Variants in PLXNA2 observed in about 807,000 individuals in gnomAD.
The protein encoded by PLXNA2 is plexin A2.
Under a neutral mutation model 193.5 loss-of-function variants are expected in PLXNA2, and 91 were observed. The observed-to-expected ratio is 0.47, with a 90% CI of 0.40 to 0.56. The LOEUF (loss-of-function observed/expected upper bound fraction) is 0.56. PLXNA2 is among the 20% of genes least tolerant of loss of function. The probability of loss-of-function intolerance (pLI) is 0.00; values close to 1 mark genes in which losing one functional copy is unlikely to be tolerated. For synonymous variants in PLXNA2, 997 were observed against 1,027.3 expected, an observed-to-expected ratio of 0.97 and a Z score of 0.56; for missense variants, 1,995 against 2,503.2, an observed-to-expected ratio of 0.80 and a Z score of 4.33.
chr1:208,122,569 T>C (rs971067981), intron 4 of PLXNA2, among the ~76,000 whole-genome samples: 2 of 152,198 alleles, frequency 1.3e-5, no homozygotes, highest in Non-Finnish European at 2.9e-5. Flanking sequence ...TAAATTTCAC[T>C]CTCTCTTGTT....
In PLXNA2 at chr1:208,155,048, T is replaced by C. The variant is rs557053991; in HGVS notation, c.1372-12585A>G. Among the ~76,000 whole-genome samples, 27 of 152,280 alleles carry C rather than the reference T, an allele frequency of 1.8e-4. No homozygotes were observed. In the South Asian group the frequency reaches 5.6e-3, roughly 32 times the overall value. ...TTCAGGGGGACATGGGGGAAATTAG[T>C]ACCTCCTCCTCTGTCCTTTCCAAGG... On this transcript the variant is annotated intron_variant, in intron 3 of 31. Transcript: ENST00000367033.
chr1:208,084,705 C>G, intron 9 of PLXNA2, 125 bp from the exon 10 acceptor site: 1 of 817,924 alleles, frequency 1.2e-6, no homozygotes. Flanking sequence ...CATGTAAGGC[C>G]CGTGGAATGG....
At chr1:208,099,375 T>G (rs1464807932) in intron 5 of PLXNA2, among the ~76,000 whole-genome samples, 1 of 152,128 alleles carries the variant, frequency 6.6e-6, no homozygotes, top group Non-Finnish European at 1.5e-5. Context: ...TGTTATAGAA[T>G]TTTGGGGGAG....
In PLXNA2 at chr1:208,135,716, G is replaced by A. The variant is rs1019733615; in HGVS notation, c.1506+6613C>T. On this transcript the variant is annotated intron_variant, in intron 4 of 31. Coordinates refer to ENST00000367033, the MANE Select transcript of PLXNA2 (RefSeq NM_025179.4). The stretch of plus-strand genomic sequence containing the variant: ...CTAAACAGGGTGCTCTCTGGGCCTC[G>A]TCTTTCTTATCTGGGGTCAGAATGG... Among the ~76,000 whole-genome samples, 5 of 152,154 alleles carry A rather than the reference G, an allele frequency of 3.3e-5. No homozygotes were observed. In the East Asian group the frequency reaches 9.6e-4, roughly 29 times the overall value.
chr1:208,028,158 A>G lies in PLXNA2; in HGVS notation c.5440T>C (p.Tyr1814His), dbSNP rs1307895399. ...GGGAGCTTGGCGATGTCTGCGTAGT[A>G]TCTGCCAGAGACAGGATAGGCGCCT... ...IPSYKSWVER[Y>H]YADIAKLPAI... Residue 1814 changes from tyrosine to histidine, a missense_variant and splice_region_variant, in exon 31 of 32, where the codon TAC (tyrosine) becomes CAC (histidine). By Grantham distance (83) the Tyr-to-His change is moderately conservative (BLOSUM62 2). Around this residue, in one of 3 missense-constraint regions of PLXNA2, gnomAD observed 1,291 missense variants for 1,673.6 expected, o/e 0.77. Coordinates refer to ENST00000367033, the MANE Select transcript of PLXNA2 (RefSeq NM_025179.4). This position sits in a 1 kb window ranked among gnomAD's most constrained non-coding sequence, Gnocchi z 4.2. 1.9e-6 allele frequency: 3 copies of G among 1,609,940 alleles called. No individual in the cohort carries two copies. The highest frequency in any genetic ancestry group is 2.5e-6 in the Non-Finnish European group (3 of 1,178,064).
At chr1:208,210,176 TA>T in intron 3 of PLXNA2, 103 bp downstream of exon 3, 2 of 1,264,296 alleles carry the variant, frequency 1.6e-6, no homozygotes, top group Non-Finnish European at 2.3e-6. Context: ...CCCAAGAAAA[TA>T]AAGTTGCCTA....
rs564142991 is a variant in PLXNA2 at position 208,049,913 on chromosome 1, A to G, written c.3255+1096T>C. Among the ~76,000 whole-genome samples, 8 of 152,342 alleles carry G rather than the reference A, an allele frequency of 5.3e-5. No homozygotes were observed. The South Asian group carries it at 1.7e-3, about 32-fold the overall frequency. On this transcript the variant is annotated intron_variant, in intron 17 of 31. Coordinates refer to ENST00000367033, the MANE Select transcript of PLXNA2 (RefSeq NM_025179.4). ...CAAGCCCCTGAAGGTCAAAGCAGTA[A>G]TGATAGTAATTTCTATGAAAAATAA...
At chr1:208,118,371 C>T (rs1433279530) in intron 4 of PLXNA2, among the ~76,000 whole-genome samples, 1 of 152,206 alleles carries the variant, frequency 6.6e-6, no homozygotes, top group Non-Finnish European at 1.5e-5. Flanking sequence ...AACAGCCACA[C>T]AGGGAAGCCC....
At chr1:208,207,866 G>T (rs1477100778) in intron 3 of PLXNA2, among the ~76,000 whole-genome samples, 1 of 152,216 alleles carries the variant, frequency 6.6e-6, no homozygotes, top group African/African-American at 2.4e-5. Context: ...GGGGTGTCAT[G>T]AGCTCATAGA....
At position 208,214,576 on chromosome 1, in the gene PLXNA2, C is replaced by T. The variant is rs531496377; in HGVS notation, c.1188+2159G>A. ...GCTTGGTCCCAACGGCAGGCACCTT[C>T]AATTTAGAGTACTCAGAAGGTAGCC... is the stretch of plus-strand genomic sequence containing the variant. On this transcript the variant is annotated intron_variant, in intron 2 of 31. Coordinates refer to ENST00000367033, the MANE Select transcript of PLXNA2 (RefSeq NM_025179.4). 8.5e-5 allele frequency among the ~76,000 whole-genome samples: 13 copies of T among 152,286 alleles called. No individual in the cohort carries two copies. In the South Asian group the frequency reaches 1.7e-3, roughly 19 times the overall value.
intron 12 of PLXNA2, among the ~76,000 whole-genome samples, chr1:208,072,397 G>A (rs1666003985): frequency 6.6e-6 from 1 of 152,158 alleles, no homozygotes; most frequent in Admixed American, 6.5e-5. Context: ...TAAGGGTGGT[G>A]GGTTCCTGGT....
intron 4 of PLXNA2, among the ~76,000 whole-genome samples, chr1:208,138,735 A>AG (rs889303958): frequency 3.9e-5 from 6 of 152,232 alleles, no homozygotes; most frequent in African/African-American, 1.4e-4. Context: ...CATAAAAAAA[A>AG]TTTTAAATTG....
At chr1:208,160,790 T>G (rs984751289) in intron 3 of PLXNA2, among the ~76,000 whole-genome samples, 3 of 152,258 alleles carry the variant, frequency 2.0e-5, no homozygotes, top group Non-Finnish European at 2.9e-5. Flanking sequence ...GTCACATAAT[T>G]CATAGATTAA....
Position 208,045,097 on chromosome 1 carries a change from A to G in PLXNA2, c.3609T>C (p.Pro1203=). The change falls in exon 19 of 32, where the codon CCT becomes CCC. Residue 1203 remains proline, a synonymous_variant. Coordinates refer to ENST00000367033, the MANE Select transcript of PLXNA2 (RefSeq NM_025179.4). ...CCTTGTGCTGCCCGGTGAGGTTGGG[A>G]GGCTCGCAGAGAAGCTGGGTCTCAG... ...TVSETQLLCE[P]PNLTGQHKVM... 3 of 1,614,080 alleles carry G rather than the reference A, an allele frequency of 1.9e-6. No homozygotes were observed. The highest frequency in any genetic ancestry group is 2.2e-5 in the South Asian group (2 of 91,070).
At chr1:208,039,265 T>C (rs561826769) in intron 24 of PLXNA2, among the ~76,000 whole-genome samples, 1 of 152,284 alleles carries the variant, frequency 6.6e-6, no homozygotes, top group Non-Finnish European at 1.5e-5. Context: ...TGAGGCACCC[T>C]CAGTGTTTAG....
intron 3 of PLXNA2, among the ~76,000 whole-genome samples, chr1:208,186,578 A>G (rs1362316360): frequency 1.3e-5 from 2 of 152,236 alleles, no homozygotes; most frequent in African/African-American, 4.8e-5. Flanking sequence ...TGTCAAGAAC[A>G]TCTTTCAGAA....
At chr1:208,076,183 CCA>C (rs1209865228) in intron 12 of PLXNA2, among the ~76,000 whole-genome samples, 2 of 151,986 alleles carry the variant, frequency 1.3e-5, no homozygotes, top group African/African-American at 4.8e-5. Flanking sequence ...TCCTCCCACC[CCA>C]GTCTCCCGAG....
At chr1:208,077,681 CAGGAAGCT>C (rs1186021504) in intron 12 of PLXNA2, among the ~76,000 whole-genome samples, 1 of 152,216 alleles carries the variant, frequency 6.6e-6, no homozygotes. Context: ...CTGAGCAGCT[CAGGAAGCT>C]AGCTGTCTGA....
intron 12 of PLXNA2, among the ~76,000 whole-genome samples, chr1:208,065,900 T>G (rs1665780237): frequency 6.6e-6 from 1 of 152,222 alleles, no homozygotes; most frequent in Non-Finnish European, 1.5e-5. Context: ...CTTGTGGCCA[T>G]TTCTTCTTTC....
Sources: allele counts gnomAD v4.1 joint callset (sites outside exome capture counted in the v4.1 genomes callset), GRCh38; gene constraint gnomAD v4.1.1; regional missense constraint gnomAD v4.1.1; non-coding constraint Gnocchi (gnomAD v3.1); transcripts MANE v1.5; gene names NCBI Gene and HGNC (gene_info 2026-07-23, HGNC 2026-07-21).